Variants in CCNH observed in about 807,000 individuals in gnomAD.
CCNH encodes cyclin-H.
In CCNH, 31 loss-of-function variants were observed where a neutral mutation model predicts 41.9. That is an observed-to-expected ratio of 0.74 (90% CI 0.56 to 1.00). The LOEUF is 1.00. Ranked by LOEUF, CCNH falls within the 50% of genes least tolerant of loss-of-function variation. CCNH has a pLI of 0.00. For missense variants in CCNH, 362 were observed against 388.4 expected, an observed-to-expected ratio of 0.93 and a Z score of 0.57; for synonymous variants, 138 against 136.1, an observed-to-expected ratio of 1.01 and a Z score of -0.10.
chr5:87,408,327 T>C (rs1763955438), intron 3 of CCNH, 141 bp from the exon 4 acceptor site: 1 of 493,084 alleles, frequency 2.0e-6, no homozygotes, highest in Non-Finnish European at 3.5e-6. Context: ...CTGCTAGACA[T>C]TGCAAGAATT....
chr5:87,333,230 C>G (rs1254506714), intron 9 of CCNH: 3 of 1,604,978 alleles, frequency 1.9e-6, no homozygotes, highest in Non-Finnish European at 2.6e-6. Flanking sequence ...GATAAAAAGA[C>G]TATCTTTTTA....
chr5:87,328,659 G>C (rs1230613290), intron 9 of CCNH, among the ~76,000 whole-genome samples: 1 of 152,042 alleles, frequency 6.6e-6, no homozygotes, highest in African/African-American at 2.4e-5. Flanking sequence ...CATTTTCTTG[G>C]CTACTGGGGC....
intron 6 of CCNH, among the ~76,000 whole-genome samples, chr5:87,400,108 T>C (rs1763288843): frequency 6.6e-6 from 1 of 152,214 alleles, no homozygotes. Flanking sequence ...GTTATTCAAC[T>C]ATAATAAACC....
chr5:87,383,857 A>AT, intron 9 of CCNH: 2 of 1,254,116 alleles, frequency 1.6e-6, no homozygotes, highest in Non-Finnish European at 2.3e-6. Context: ...ATACTCTTAA[A>AT]TCTTTTTTTT....
At chr5:87,410,017 C>A (rs1764108091) in intron 2 of CCNH, among the ~76,000 whole-genome samples, 1 of 152,148 alleles carries the variant, frequency 6.6e-6, no homozygotes. Flanking sequence ...ATGAGGTTAA[C>A]TGACTTATCT....
Position 87,320,134 on chromosome 5 carries a change from A to G in CCNH, c.*91-1237T>C, listed in dbSNP as rs528402503. ...GGTTCCCAATAAGTTCCTCATCTCC[A>G]TCTGAGACCACATCAGCCTGGATTT... On this transcript the variant is annotated intron_variant and NMD_transcript_variant, in intron 9 of 9. Coordinates refer to the CCNH transcript ENST00000645953. Among the ~76,000 whole-genome samples the G allele has an allele frequency of 6.6e-5, 10 of 152,268 alleles. No individual in the cohort carries two copies. In the South Asian group the frequency reaches 1.9e-3, roughly 28 times the overall value.
At chr5:87,360,008 A>G (rs746597411) in intron 9 of CCNH, among the ~76,000 whole-genome samples, 1 of 151,978 alleles carries the variant, frequency 6.6e-6, no homozygotes, top group South Asian at 2.1e-4. Flanking sequence ...AATAAGTTCT[A>G]TTTGTAATTA....
At chr5:87,392,672 C>A (rs1762607319), downstream of CCNH, 1 of 166,612 alleles carries the variant, frequency 6.0e-6, no homozygotes. Flanking sequence ...GTCTGAAATC[C>A]TTCTCCCTTT....
intron 9 of CCNH, among the ~76,000 whole-genome samples, chr5:87,359,305 A>C (rs1759893520): frequency 6.6e-6 from 1 of 152,202 alleles, no homozygotes; most frequent in Non-Finnish European, 1.5e-5. Context: ...AGATTACTGA[A>C]TTTCCCTTGG....
chr5:87,361,863 T>C (rs1760123363), intron 9 of CCNH, among the ~76,000 whole-genome samples: 1 of 152,108 alleles, frequency 6.6e-6, no homozygotes, highest in Non-Finnish European at 1.5e-5. Flanking sequence ...TTAAGAAATA[T>C]GTACATCCTA....
chr5:87,394,790 C>T, intron 8 of CCNH: 1 of 1,335,888 alleles, frequency 7.5e-7, no homozygotes, highest in African/African-American at 1.5e-5. Flanking sequence ...AGAAAAAAAG[C>T]AAAAATGTAG....
downstream of CCNH, among the ~76,000 whole-genome samples, chr5:87,315,620 C>T (rs1407955793): frequency 6.6e-6 from 1 of 152,078 alleles, no homozygotes; most frequent in Admixed American, 6.5e-5. Flanking sequence ...CCCTCTCAAC[C>T]TAGAGTAAAT....
downstream of CCNH, among the ~76,000 whole-genome samples, chr5:87,389,991 C>T (rs145752823): frequency 7.7e-4 from 117 of 152,188 alleles, 2 homozygotes; most frequent in East Asian, 0.019. Context: ...GAAAGCTGCA[C>T]GTCTAACAAA....
At chr5:87,387,244 G>A (rs1380549309), downstream of CCNH, among the ~76,000 whole-genome samples, 2 of 151,918 alleles carry the variant, frequency 1.3e-5, no homozygotes, top group Non-Finnish European at 2.9e-5. Flanking sequence ...TTACTTTGCT[G>A]CTACTATGTG....
intron 9 of CCNH, chr5:87,385,269 G>A: frequency 2.2e-6 from 3 of 1,368,376 alleles, no homozygotes; most frequent in Non-Finnish European, 3.1e-6. Context: ...TGTTGGACTT[G>A]GTGTCATTAG....
chr5:87,326,870 A>G (rs1757269701), intron 9 of CCNH, among the ~76,000 whole-genome samples: 1 of 152,168 alleles, frequency 6.6e-6, no homozygotes, highest in Admixed American at 6.5e-5. Flanking sequence ...GCCTTAGTAG[A>G]AAAAAAGATT....
At chr5:87,358,847 C>T (rs900704538) in intron 9 of CCNH, among the ~76,000 whole-genome samples, 1 of 152,160 alleles carries the variant, frequency 6.6e-6, no homozygotes, top group Non-Finnish European at 1.5e-5. Flanking sequence ...AGGATCTTTG[C>T]TGTAGCTGTT....
chr5:87,386,799 A>G (rs750074468), downstream of CCNH: 36 of 1,595,584 alleles, frequency 2.3e-5, no homozygotes, highest in Non-Finnish European at 2.3e-5. Flanking sequence ...TTTCTGGTGC[A>G]TATAACAGAA....
At chr5:87,379,529 T>C (rs1005592302), upstream of CCNH, among the ~76,000 whole-genome samples, 2 of 152,192 alleles carry the variant, frequency 1.3e-5, no homozygotes, top group Non-Finnish European at 1.5e-5. Flanking sequence ...AGTTGGCTAA[T>C]TGGGAATAAA....
Sources: allele counts gnomAD v4.1 joint callset (sites outside exome capture counted in the v4.1 genomes callset), GRCh38; gene constraint gnomAD v4.1.1; transcripts MANE v1.5; gene names NCBI Gene and HGNC (gene_info 2026-07-23, HGNC 2026-07-21).